Variants in PRKDC observed in about 807,000 individuals in gnomAD.
PRKDC encodes DNA-dependent protein kinase catalytic subunit.
In PRKDC, 82 loss-of-function variants were observed where a neutral mutation model predicts 486.9. That is an observed-to-expected ratio of 0.17 (90% confidence interval 0.14 to 0.20). The LOEUF (loss-of-function observed/expected upper bound fraction) is 0.20. PRKDC is among the 10% of genes least tolerant of loss of function. The pLI is 1.00. For synonymous variants in PRKDC, 1,895 were observed against 1,837.0 expected (o/e 1.03, Z -0.81); for missense variants, 4,504 against 5,038.2 (o/e 0.89, Z 3.21).
chr8:47,940,482 C>A (rs1328476645), intron 10 of PRKDC, among the ~76,000 whole-genome samples: 1 of 152,160 alleles, frequency 6.6e-6, no homozygotes, highest in Non-Finnish European at 1.5e-5. Flanking sequence ...ACTTCCCAAT[C>A]CCCCTAAAGC....
chr8:47,893,287 C>T lies in PRKDC; in HGVS notation c.3699G>A (p.Ser1233=), dbSNP rs774629196. The T allele has an allele frequency of 1.3e-5, 21 of 1,610,292 alleles. No individual in the cohort carries two copies. Among genetic ancestry groups the T allele is most frequent in the Admixed American group, 6.7e-5 (4 of 59,616 alleles). The change falls in exon 31 of 86, where the codon TCG becomes TCA. Residue 1233 remains serine, a synonymous_variant. Coordinates refer to ENST00000314191, the MANE Select transcript of PRKDC (RefSeq NM_006904.7). ...TFEGGGCGQP[S]GILAQPTLLY... ...AGAGGGTGGGCTGGGCCAGGATGCCCGAGGGCTGGCCACAGCCACCCCCCT... is the reference window on the plus strand; with the variant it reads ...AGAGGGTGGGCTGGGCCAGGATGCCTGAGGGCTGGCCACAGCCACCCCCCT...
intron 63 of PRKDC, among the ~76,000 whole-genome samples, chr8:47,824,357 C>T (rs1047572925): frequency 1.3e-4 from 20 of 151,370 alleles, no homozygotes; most frequent in African/African-American, 4.9e-4. Context: ...GCCTGTAGTC[C>T]CAGCTACTTG....
chr8:47,866,830 T>C (rs1288649555), intron 40 of PRKDC, among the ~76,000 whole-genome samples: 1 of 152,202 alleles, frequency 6.6e-6, no homozygotes, highest in Non-Finnish European at 1.5e-5. Flanking sequence ...TTTAGGAATC[T>C]ACCCCAAAGA....
At position 47,807,126 on chromosome 8, in the gene PRKDC, C is replaced by T. The variant is rs748853443; in HGVS notation, c.9747+11G>A. On this transcript the variant is annotated intron_variant, in intron 69 of 85. Transcript: ENST00000314191. ...TGTGACACAGCAGGGAGGACAGACA[C>T]GAGTACCCACCTGCTTCCGGGCACT... The T allele has an allele frequency of 6.2e-7, 1 of 1,611,404 alleles. No homozygotes were observed. Among genetic ancestry groups the T allele is most frequent in the South Asian group, 1.1e-5 (1 of 90,618 alleles).
At chr8:47,896,524 G>A (rs1303987281) in intron 30 of PRKDC, among the ~76,000 whole-genome samples, 1 of 152,082 alleles carries the variant, frequency 6.6e-6, no homozygotes, top group African/African-American at 2.4e-5. Context: ...GCGGGTGCCT[G>A]TAGTCCCAGC....
chr8:47,854,724 T>A (rs1172304613), intron 50 of PRKDC, among the ~76,000 whole-genome samples: 1 of 152,236 alleles, frequency 6.6e-6, no homozygotes, highest in African/African-American at 2.4e-5. Flanking sequence ...AGCTTTGACT[T>A]TACAGAAATG....
rs752161496 is a variant in PRKDC, at chr8:47,893,224, T to C, written c.3762A>G (p.Leu1254=). 5.0e-6 allele frequency: 8 copies of C among 1,612,808 alleles called. No homozygotes were observed. The highest frequency in any genetic ancestry group is 1.1e-5 in the South Asian group (1 of 90,882). Residue 1254 remains leucine, a synonymous_variant, in exon 31 of 86, where the codon CTA becomes CTG. Coordinates refer to ENST00000314191, the MANE Select transcript of PRKDC (RefSeq NM_006904.7). ...LRGPFSLQAT[L]CWLDLLLAAL... ...CGGCCAGGAGCAGGTCCAGCCAGCA[T>C]AGCGTGGCCTGCAGGCTGAATGGCC...
At position 47,803,338 on chromosome 8, in the gene PRKDC, A is replaced by G. The variant is rs773054166; in HGVS notation, c.9890T>C (p.Val3297Ala). Residue 3297 changes from valine to alanine, a missense_variant, in exon 70 of 86, where the codon GTG becomes GCG. Transcript: ENST00000314191. ...RSRSQGCSEQ[V>A]LTVLKTVSLL... ...AGAGACTGTTTTCAGCACAGTGAGC[A>G]CCTGCTCAGAGCAGCCCTGGGACCG... 6.2e-7 allele frequency: 1 copy of G among 1,613,820 alleles called. No homozygotes were observed. The highest frequency in any genetic ancestry group is 8.5e-7 in the Non-Finnish European group (1 of 1,179,838).
At chr8:47,854,451 G>A (rs1486738571) in intron 50 of PRKDC, among the ~76,000 whole-genome samples, 4 of 152,082 alleles carry the variant, frequency 2.6e-5, no homozygotes, top group East Asian at 1.9e-4. Context: ...CCATTCTCCT[G>A]CCTCAGCCTC....
rs750062835 is a variant in PRKDC, at chr8:47,778,989, C to A, written c.11579+15G>T. The A allele has an allele frequency of 1.3e-6, 2 of 1,557,428 alleles. No homozygotes were observed. The highest frequency in any genetic ancestry group is 1.2e-5 in the South Asian group (1 of 81,864). ...TGAACTAACTAATACAAAGAAAAAT[C>A]AAAACCAAACTTACTTATACATTAG... On this transcript the variant is annotated intron_variant, in intron 81 of 85. Coordinates refer to ENST00000314191, the MANE Select transcript of PRKDC (RefSeq NM_006904.7).
rs768948395 is a variant in PRKDC at position 47,902,709 on chromosome 8, T to C, written c.3129A>G (p.Gln1043=). ...TCTTCTCCTGCTGCTGTGGTGTTATTTGCTTAATGGACCATTTAAGGAATT... is the reference window on the plus strand; with the variant it reads ...TCTTCTCCTGCTGCTGTGGTGTTATCTGCTTAATGGACCATTTAAGGAATT... ...IREFLKWSIK[Q]ITPQQQEKSP... The change falls in exon 27 of 86, where the codon CAA becomes CAG. Residue 1043 remains glutamine (Q), a synonymous_variant. Coordinates refer to ENST00000314191, the MANE Select transcript of PRKDC (RefSeq NM_006904.7). 1.2e-6 allele frequency: 2 copies of C among 1,613,958 alleles called. No homozygotes were observed. Among genetic ancestry groups the C allele is most frequent in the Non-Finnish European group, 1.7e-6 (2 of 1,179,848 alleles).
chr8:47,796,326 G>C (rs2086984664), intron 73 of PRKDC, among the ~76,000 whole-genome samples: 1 of 151,770 alleles, frequency 6.6e-6, no homozygotes, highest in African/African-American at 2.4e-5. Context: ...GTGACAGCGA[G>C]ACTCCGTCAC....
chr8:47,881,086 G>GC (rs1469344035), intron 38 of PRKDC, among the ~76,000 whole-genome samples: 6 of 141,846 alleles, frequency 4.2e-5, no homozygotes, highest in African/African-American at 1.8e-4. Context: ...AAGAAAGCAA[G>GC]AAAGCAAGCA....
chr8:47,930,079 C>T, intron 17 of PRKDC, 67 bp from the exon 18 acceptor site: 1 of 1,366,414 alleles, frequency 7.3e-7, no homozygotes, highest in Non-Finnish European at 1.0e-6. Flanking sequence ...TTGTAAGGGA[C>T]ATAATCGAAC....
intron 20 of PRKDC, 121 bp downstream of exon 20, chr8:47,927,650 A>T: frequency 7.8e-7 from 1 of 1,275,528 alleles, no homozygotes; most frequent in Non-Finnish European, 1.0e-6. Context: ...GCAGACCCTG[A>T]CCCGGGCACG....
intron 22 of PRKDC, among the ~76,000 whole-genome samples, chr8:47,916,619 A>G (rs2089988342): frequency 6.6e-6 from 1 of 152,146 alleles, no homozygotes; most frequent in African/African-American, 2.4e-5. Context: ...ATATCCACCT[A>G]TGAATAACCT....
At chr8:47,814,260 T>C (rs2087394796) in intron 68 of PRKDC, among the ~76,000 whole-genome samples, 1 of 151,744 alleles carries the variant, frequency 6.6e-6, no homozygotes, top group Admixed American at 6.6e-5. Context: ...AAAAAAATTA[T>C]TTTTTAAAGC....
rs530015725 is a variant in PRKDC at position 47,929,733 on chromosome 8, T to C, written c.2052+120A>G. 20 of 1,132,034 alleles carry C rather than the reference T, an allele frequency of 1.8e-5. 1 individual carries two copies. In the South Asian group the frequency reaches 1.8e-4, roughly 10 times the overall value. The allele number at this position is 1,132,034 out of a possible 1,614,324, so 70.1% of individuals were successfully genotyped here. ...TCACATATCAATTTTTTTAAACACA[T>C]AGAATAAAATTAGTAGACTTTAAAA... On this transcript the variant is annotated intron_variant, in intron 18 of 85. Coordinates refer to ENST00000314191, the MANE Select transcript of PRKDC (RefSeq NM_006904.7).
intron 10 of PRKDC, among the ~76,000 whole-genome samples, chr8:47,942,431 G>A (rs1016702271): frequency 8.5e-5 from 13 of 152,142 alleles, no homozygotes; most frequent in African/African-American, 3.1e-4. Flanking sequence ...TGGAAGGCAG[G>A]CCCAGACATG....
Sources: allele counts gnomAD v4.1 joint callset (sites outside exome capture counted in the v4.1 genomes callset), GRCh38; gene constraint gnomAD v4.1.1; transcripts MANE v1.5; gene names NCBI Gene and HGNC (gene_info 2026-07-23, HGNC 2026-07-21).